The following TRRAP variants were observed in gnomAD, a reference collection of about 807,000 sequenced individuals.
TRRAP encodes transformation/transcription domain associated protein.
In TRRAP, 41 loss-of-function variants were observed where a neutral mutation model predicts 438.8. The ratio of observed to expected loss-of-function variants is 0.09; its 90% confidence interval spans 0.07 to 0.12. The LOEUF (loss-of-function observed/expected upper bound fraction) is 0.12, where lower values mean the gene tolerates loss of function less well. Ranked by LOEUF, TRRAP falls within the 10% of genes least tolerant of loss-of-function variation. The pLI is 1.00. For missense variants in TRRAP, 3,122 were observed against 5,055.1 expected (o/e 0.62, Z 11.60); for synonymous variants, 1,994 against 1,962.9 (o/e 1.02, Z -0.42).
chr7:98,969,684 A>G (rs1214416573), intron 51 of TRRAP, among the ~76,000 whole-genome samples: 1 of 113,590 alleles, frequency 8.8e-6, no homozygotes, highest in East Asian at 3.1e-4. Context: ...TACATCACGG[A>G]GGGGCTCGCA....
At position 98,908,628 on chromosome 7, in the gene TRRAP, A is replaced by AG; in HGVS notation, c.1116-96dup. 2.8e-6 allele frequency: 3 copies of AG among 1,074,134 alleles called. No individual in the cohort carries two copies. The highest frequency in any genetic ancestry group is 4.1e-6 in the Non-Finnish European group (3 of 739,826). The allele number at this position is 1,074,134 out of a possible 1,614,324, so 66.5% of individuals were successfully genotyped here. On this transcript the variant is annotated intron_variant, in intron 13 of 72. Transcript: ENST00000456197. The surrounding 1 kb of genome is among the most constrained non-coding windows in gnomAD (Gnocchi z 4.1). ...ATGGGCCATGTAAGTGTGCCGACCCAGGGGTGGTGTTCCTGGGGCAGATGG... is the reference window on the plus strand; with the variant it reads ...ATGGGCCATGTAAGTGTGCCGACCCAGGGGGTGGTGTTCCTGGGGCAGATGG...
intron 65 of TRRAP, among the ~76,000 whole-genome samples, chr7:98,993,193 G>T (rs1793505125): frequency 6.6e-6 from 1 of 152,234 alleles, no homozygotes; most frequent in South Asian, 2.1e-4. Context: ...AGACGTAACA[G>T]AAACGTTAAA....
At chr7:98,959,615 G>A in intron 45 of TRRAP, 125 bp downstream of exon 45, 1 of 1,401,962 alleles carries the variant, frequency 7.1e-7, no homozygotes, top group South Asian at 1.4e-5. Flanking sequence ...CAAATCTCCT[G>A]TCCCCTTTGC....
chr7:98,954,085 C>T (rs917920551), intron 40 of TRRAP, among the ~76,000 whole-genome samples: 5 of 152,214 alleles, frequency 3.3e-5, no homozygotes, highest in African/African-American at 7.2e-5. Flanking sequence ...CTTTTGGATC[C>T]GTATCTCATG....
Position 98,921,871 on chromosome 7 carries a change from A to C in TRRAP, c.2741A>C (p.Tyr914Ser). Residue 914 changes from tyrosine (Y) to serine (S), a missense_variant, in exon 21 of 73, where the codon TAC (tyrosine) becomes TCC (serine). Tyr to Ser is a moderately radical substitution (Grantham distance 144). Transcript: ENST00000456197. Reference sequence around the variant, plus strand: ...CTGAAGGAGTCGCAGAAGCTGCACTACGTTGTGACCGAGGTTCAGGGCCCC... The same window carrying C: ...CTGAAGGAGTCGCAGAAGCTGCACTCCGTTGTGACCGAGGTTCAGGGCCCC... ...KMLKESQKLHYVVTEVQGPSI... is the reference protein window; with the variant it reads ...KMLKESQKLHSVVTEVQGPSI... 6.2e-7 allele frequency: 1 copy of C among 1,614,226 alleles called. No individual in the cohort carries two copies.
Position 98,961,524 on chromosome 7 carries a change from G to A in TRRAP, c.6703+50G>A, listed in dbSNP as rs187614782. On this transcript the variant is annotated intron_variant, in intron 46 of 72. Transcript: ENST00000456197. Reference sequence around the variant, plus strand: ...TTTTCTTTCAAAGTGGACGGTGGGCGCGGAGCTTGCTATGAGAGCGCTTGT... The same window carrying A: ...TTTTCTTTCAAAGTGGACGGTGGGCACGGAGCTTGCTATGAGAGCGCTTGT... 8.0e-4 allele frequency: 1,270 copies of A among 1,593,958 alleles called. 1 individual carries two copies. Among genetic ancestry groups the A allele is most frequent in the Non-Finnish European group, 9.5e-4 (1,102 of 1,165,908 alleles).
intron 41 of TRRAP, among the ~76,000 whole-genome samples, chr7:98,955,905 A>G (rs1017542785): frequency 6.8e-6 from 1 of 147,378 alleles, no homozygotes; most frequent in Non-Finnish European, 1.5e-5. Flanking sequence ...GAAGTATACT[A>G]TTGTAATGGG....
chr7:98,936,023 A>T (rs530159387), intron 28 of TRRAP, among the ~76,000 whole-genome samples: 3 of 152,238 alleles, frequency 2.0e-5, no homozygotes, highest in Non-Finnish European at 4.4e-5. Flanking sequence ...AAGCTTTTCA[A>T]TGACTCAAGC....
At chr7:98,930,908 C>T (rs1363098342) in intron 25 of TRRAP, 78 bp downstream of exon 25, 19 of 1,550,518 alleles carry the variant, frequency 1.2e-5, no homozygotes, top group Non-Finnish European at 1.6e-5. Flanking sequence ...TAAGATCCTT[C>T]TGCAAATATG....
chr7:99,004,828 T>C (rs1794086246), intron 68 of TRRAP, among the ~76,000 whole-genome samples: 1 of 152,218 alleles, frequency 6.6e-6, no homozygotes, highest in Non-Finnish European at 1.5e-5. Context: ...TCTTTATTTC[T>C]GAACCAGACA....
At position 99,005,044 on chromosome 7, in the gene TRRAP, A is replaced by T; in HGVS notation, c.10536-87A>T. On this transcript the variant is annotated intron_variant, in intron 68 of 72. Coordinates refer to ENST00000456197, the MANE Select transcript of TRRAP (RefSeq NM_001375524.1). The surrounding 1 kb of genome is among the most constrained non-coding windows in gnomAD (Gnocchi z 5.1). ...GGCCTACACAGTCCGTTTTCCCGTG[A>T]CAGTTCGGACATTCCTAGCTTCTTC... 1 of 1,375,618 alleles carries T rather than the reference A, an allele frequency of 7.3e-7. No homozygotes were observed. 85.2% of individuals were successfully genotyped at this position (1,375,618 alleles called of 1,614,324 possible). A position where few individuals can be genotyped will look rare whatever the true frequency, so the allele number is the denominator to read the frequency against.
chr7:98,912,075 G>A lies in TRRAP; in HGVS notation c.2061G>A (p.Thr687=), dbSNP rs376393409. 11 of 1,614,064 alleles carry A rather than the reference G, an allele frequency of 6.8e-6. No individual in the cohort carries two copies. Among genetic ancestry groups the A allele is most frequent in the Middle Eastern group, 1.6e-4 (1 of 6,062 alleles). ...CTACTACCTCTGCTCTGTTTGCTAC[G>A]ATTCTGGTGGAATATCTCCTTGATC... ...ANPTTSALFA[T]ILVEYLLDRL... Residue 687 remains threonine, a synonymous_variant, in exon 18 of 73, where the codon ACG becomes ACA. Coordinates refer to ENST00000456197, the MANE Select transcript of TRRAP (RefSeq NM_001375524.1).
At position 99,012,444 on chromosome 7, in the gene TRRAP, T is replaced by A. The variant is rs1794472294; in HGVS notation, c.*89T>A. On this transcript the variant is annotated 3_prime_UTR_variant, in exon 73 of 73. Transcript: ENST00000456197. The surrounding 1 kb of genome is among the most constrained non-coding windows in gnomAD (Gnocchi z 5.9). ...CGACTTCTCCCTGCCTCGTTCCTTA[T>A]ATTCACAGAAGCCCCATAGTTTCAC... The A allele has an allele frequency of 7.1e-7, 1 of 1,413,794 alleles. No homozygotes were observed. Among genetic ancestry groups the A allele is most frequent in the Non-Finnish European group, 9.4e-7 (1 of 1,061,818 alleles). 87.6% of individuals were successfully genotyped at this position (1,413,794 alleles called of 1,614,324 possible). A position where few individuals can be genotyped will look rare whatever the true frequency, so the allele number is the denominator to read the frequency against.
rs1210924339 is a variant in TRRAP at position 98,908,656 on chromosome 7, A to T, written c.1116-72A>T. The stretch of plus-strand genomic sequence containing the variant: ...GGTGGTGTTCCTGGGGCAGATGGTG[A>T]TATCCTTGGTGGCCTGCTGCAGCAG... On this transcript the variant is annotated intron_variant, in intron 13 of 72. Transcript: ENST00000456197. The surrounding 1 kb of genome is among the most constrained non-coding windows in gnomAD (Gnocchi z 4.1). The T allele has an allele frequency of 1.6e-5, 23 of 1,396,034 alleles. No homozygotes were observed. Among genetic ancestry groups the T allele is most frequent in the Non-Finnish European group, 2.1e-5 (22 of 1,024,430 alleles). 86.5% of individuals were successfully genotyped at this position (1,396,034 alleles called of 1,614,324 possible).
intron 26 of TRRAP, among the ~76,000 whole-genome samples, chr7:98,932,932 G>A (rs1211196736): frequency 1.3e-5 from 2 of 151,894 alleles, no homozygotes; most frequent in Non-Finnish European, 2.9e-5. Flanking sequence ...AGAGAGTAGA[G>A]GGTAGCATTC....
chr7:98,884,668 T>C (rs1227442110), intron 3 of TRRAP, among the ~76,000 whole-genome samples: 1 of 152,328 alleles, frequency 6.6e-6, no homozygotes, highest in African/African-American at 2.4e-5. Flanking sequence ...TGCTTTTCTC[T>C]GGTGCTGTGC....
chr7:98,923,633 A>C (rs770520008), intron 21 of TRRAP, among the ~76,000 whole-genome samples: 7 of 152,252 alleles, frequency 4.6e-5, no homozygotes, highest in Non-Finnish European at 8.8e-5. Flanking sequence ...GATCACATGC[A>C]GTTCCGCAAT....
chr7:98,915,817 G>A lies in TRRAP; in HGVS notation c.2294G>A (p.Arg765His). Residue 765 changes from arginine (R) to histidine (H), a missense_variant, in exon 19 of 73, where the codon CGC becomes CAC. Coordinates refer to ENST00000456197, the MANE Select transcript of TRRAP (RefSeq NM_001375524.1). ...NYFLLLRALFRSIGGGSHDLL... is the reference protein window; with the variant it reads ...NYFLLLRALFHSIGGGSHDLL... The stretch of plus-strand genomic sequence containing the variant: ...TTCTTGCTGCTACGGGCGCTGTTTC[G>A]CTCTATTGGTGGAGGTAGCCACGAT... 1 of 1,614,156 alleles carries A rather than the reference G, an allele frequency of 6.2e-7. No individual in the cohort carries two copies. The highest frequency in any genetic ancestry group is 8.5e-7 in the Non-Finnish European group (1 of 1,180,030).
intron 3 of TRRAP, among the ~76,000 whole-genome samples, chr7:98,884,497 A>C (rs1446495954): frequency 2.6e-5 from 4 of 152,088 alleles, no homozygotes; most frequent in Non-Finnish European, 5.9e-5. Context: ...AGCCTCCCAA[A>C]GTGCTAGGAT....
Sources: allele counts gnomAD v4.1 joint callset (sites outside exome capture counted in the v4.1 genomes callset), GRCh38; gene constraint gnomAD v4.1.1; non-coding constraint Gnocchi (gnomAD v3.1); transcripts MANE v1.5; gene names NCBI Gene and HGNC (gene_info 2026-07-23, HGNC 2026-07-21).